Variants in NEGR1 observed in about 807,000 individuals in gnomAD.
NEGR1 encodes the protein IgLON family member 4.
In NEGR1, 10 loss-of-function variants were observed where a neutral mutation model predicts 40.9. The observed-to-expected ratio is 0.24, with a 90% confidence interval of 0.15 to 0.42. The LOEUF (loss-of-function observed/expected upper bound fraction) is 0.42. Among genes scored for constraint, NEGR1 ranks in the 10% least tolerant of loss-of-function variants. The pLI is 1.00. For missense variants in NEGR1, 352 were observed against 438.9 expected (o/e 0.80, Z 1.77); for synonymous variants, 185 against 166.8 (o/e 1.11, Z -0.84).
rs544495024 is a variant in NEGR1, at chr1:71,599,109, A to T, written c.789-6141T>A. Among the ~76,000 whole-genome samples, 25 of 152,326 alleles carry T rather than the reference A, an allele frequency of 1.6e-4. No individual in the cohort carries two copies. The South Asian group carries it at 4.8e-3, about 29-fold the overall frequency. Reference sequence around the variant, plus strand: ...TTTCATCTGTGAAATGGGAGAAATGAAGCCAATCACAAAGTGTTAATGTTA... The same window carrying T: ...TTTCATCTGTGAAATGGGAGAAATGTAGCCAATCACAAAGTGTTAATGTTA... On this transcript the variant is annotated intron_variant, in intron 5 of 6. Transcript: ENST00000357731.
chr1:71,779,911 T>C (rs1656641255), intron 2 of NEGR1, among the ~76,000 whole-genome samples: 2 of 151,298 alleles, frequency 1.3e-5, no homozygotes. Context: ...GCACAAATGG[T>C]GGTATAGAGA....
rs200837437 is a variant in NEGR1 at position 72,264,653 on chromosome 1, TTA to T, written c.176+17664_176+17665del. Among the ~76,000 whole-genome samples, 553 of 150,836 alleles carry T rather than the reference TTA, an allele frequency of 3.7e-3. 4 individuals are homozygous for T. The highest frequency in any genetic ancestry group is 0.013 in the African/African-American group (534 of 41,460). The stretch of plus-strand genomic sequence containing the variant: ...ACATATATATGGAAACTAAATAATT[TTA>T]GAGTAGTATTTTAGTTCTTAAAAAC... On this transcript the variant is annotated intron_variant, in intron 1 of 6. Transcript: ENST00000357731.
chr1:71,668,009 T>G (rs576406059), intron 4 of NEGR1, among the ~76,000 whole-genome samples: 1 of 152,336 alleles, frequency 6.6e-6, no homozygotes, highest in Admixed American at 6.5e-5. Flanking sequence ...TAAATCAGTT[T>G]ATGTTTTTTC....
chr1:72,017,387 C>T (rs1646721289), intron 1 of NEGR1, among the ~76,000 whole-genome samples: 1 of 151,942 alleles, frequency 6.6e-6, no homozygotes, highest in African/African-American at 2.4e-5. Context: ...AAAATTAGGC[C>T]TCTATTATAA....
At chr1:71,743,008 C>G (rs1398437187) in intron 3 of NEGR1, among the ~76,000 whole-genome samples, 2 of 152,174 alleles carry the variant, frequency 1.3e-5, no homozygotes, top group Admixed American at 6.6e-5. Context: ...GGTTATCTCT[C>G]TCTCTCCACT....
chr1:71,591,378 A>G (rs914548886), intron 6 of NEGR1, among the ~76,000 whole-genome samples: 1 of 152,158 alleles, frequency 6.6e-6, no homozygotes, highest in African/African-American at 2.4e-5. Context: ...ACATTCATTA[A>G]TGTTTCAGTT....
Position 71,833,339 on chromosome 1 carries a change from T to C in NEGR1, c.410-57042A>G, listed in dbSNP as rs150084283. Among the ~76,000 whole-genome samples the C allele has an allele frequency of 6.9e-3, 1,043 of 152,182 alleles. 6 individuals are homozygous for C. The highest frequency in any genetic ancestry group is 0.061 in the Middle Eastern group (18 of 294). ...TTTTGTAAAATTCTGAGTTAGACACTATTGTTTCCTAAAGGGAAATACCAC... is the reference window on the plus strand; with the variant it reads ...TTTTGTAAAATTCTGAGTTAGACACCATTGTTTCCTAAAGGGAAATACCAC... On this transcript the variant is annotated intron_variant, in intron 2 of 6. Transcript: ENST00000357731.
intron 1 of NEGR1, among the ~76,000 whole-genome samples, chr1:72,008,500 A>T (rs1171933837): frequency 2.0e-5 from 3 of 152,176 alleles, no homozygotes; most frequent in African/African-American, 7.2e-5. Flanking sequence ...GCAAACAGCA[A>T]TAGAAACAAT....
intron 3 of NEGR1, among the ~76,000 whole-genome samples, chr1:71,762,097 C>T (rs542997534): frequency 1.3e-5 from 2 of 152,074 alleles, no homozygotes; most frequent in African/African-American, 4.8e-5. Flanking sequence ...AAAGGTTGGA[C>T]ATCCTTAGAC....
intron 1 of NEGR1, among the ~76,000 whole-genome samples, chr1:72,006,625 T>C (rs1373975734): frequency 1.3e-5 from 2 of 152,174 alleles, no homozygotes; most frequent in African/African-American, 4.8e-5. Context: ...AATTATGTGA[T>C]GAGGGAGAAT....
intron 6 of NEGR1, among the ~76,000 whole-genome samples, chr1:71,492,266 G>A (rs933206903): frequency 1.3e-5 from 2 of 152,098 alleles, no homozygotes; most frequent in African/African-American, 4.8e-5. Flanking sequence ...GAGACTTACG[G>A]GAGTGAGCCT....
chr1:71,842,693 C>T (rs1176880921), intron 2 of NEGR1, among the ~76,000 whole-genome samples: 1 of 152,068 alleles, frequency 6.6e-6, no homozygotes, highest in African/African-American at 2.4e-5. Flanking sequence ...AATATTAATT[C>T]CAGTGGGCAG....
chr1:72,069,128 G>A (rs1167621496), intron 1 of NEGR1, among the ~76,000 whole-genome samples: 1 of 151,930 alleles, frequency 6.6e-6, no homozygotes, highest in Admixed American at 6.6e-5. Context: ...TGTAAACGAT[G>A]GCTGGGTGTG....
intron 2 of NEGR1, among the ~76,000 whole-genome samples, chr1:71,806,640 T>C (rs1160647696): frequency 1.3e-5 from 2 of 152,126 alleles, no homozygotes; most frequent in Non-Finnish European, 2.9e-5. Flanking sequence ...TTCCCAAAAC[T>C]GTGGTAAGCT....
chr1:71,498,448 A>G (rs1005981468), intron 6 of NEGR1, among the ~76,000 whole-genome samples: 1 of 152,082 alleles, frequency 6.6e-6, no homozygotes, highest in Non-Finnish European at 1.5e-5. Flanking sequence ...GGATGTACAT[A>G]TTATGCTTCA....
intron 6 of NEGR1, among the ~76,000 whole-genome samples, chr1:71,415,868 G>A (rs934213996): frequency 6.6e-6 from 1 of 152,148 alleles, no homozygotes; most frequent in Non-Finnish European, 1.5e-5. Flanking sequence ...GTTTGCAAAT[G>A]GGTTTCTATG....
In NEGR1 at chr1:71,862,377, G is replaced by A. The variant is rs536785727; in HGVS notation, c.409+72702C>T. ...GCCATTTCTAATAATGTCATCACTC[G>A]CCCATTTTCAAAAACATCATAAGAT... is the stretch of plus-strand genomic sequence containing the variant. On this transcript the variant is annotated intron_variant, in intron 2 of 6. Coordinates refer to ENST00000357731, the MANE Select transcript of NEGR1 (RefSeq NM_173808.3). Among the ~76,000 whole-genome samples, 50 of 151,946 alleles carry A rather than the reference G, an allele frequency of 3.3e-4. 2 individuals are homozygous for A. The South Asian group carries it at 6.8e-3, about 21-fold the overall frequency.
At chr1:72,194,603 T>A (rs910016074) in intron 1 of NEGR1, among the ~76,000 whole-genome samples, 6 of 152,000 alleles carry the variant, frequency 3.9e-5, no homozygotes, top group Admixed American at 6.6e-5. Context: ...AACCTCACAG[T>A]AAACACTGTT....
chr1:72,102,455 C>G (rs1329113003), intron 1 of NEGR1, among the ~76,000 whole-genome samples: 1 of 151,872 alleles, frequency 6.6e-6, no homozygotes, highest in Non-Finnish European at 1.5e-5. Context: ...ATAACATATG[C>G]TATAACTCTG....
Sources: allele counts gnomAD v4.1 joint callset (sites outside exome capture counted in the v4.1 genomes callset), GRCh38; gene constraint gnomAD v4.1.1; transcripts MANE v1.5; gene names NCBI Gene and HGNC (gene_info 2026-07-23, HGNC 2026-07-21).